GGT7: variants seen among roughly 807,000 people sequenced by gnomAD.
GGT7 encodes glutathione hydrolase 7.
A neutral mutation model predicts 69.2 loss-of-function variants in GGT7; 30 were observed. The ratio of observed to expected loss-of-function variants is 0.43; its 90% CI spans 0.32 to 0.59. The LOEUF is 0.59. GGT7 is among the 20% of genes least tolerant of loss of function. GGT7 has a pLI of 0.05. For synonymous variants in GGT7, 388 were observed against 391.8 expected, an observed-to-expected ratio of 0.99 and a Z score of 0.12; for missense variants, 733 against 901.1, an observed-to-expected ratio of 0.81 and a Z score of 2.39.
Position 34,861,558 on chromosome 20 carries a change from C to A in GGT7, c.562G>T (p.Gly188Cys). Residue 188 changes from glycine (G) to cysteine (C), a missense_variant, in exon 4 of 15, where the codon GGC becomes TGC. By Grantham distance (159) the Gly-to-Cys change is radical (BLOSUM62 -3). Coordinates refer to ENST00000336431, the MANE Select transcript of GGT7 (RefSeq NM_178026.3). Reference sequence around the variant, plus strand: ...CGGATGTCATGTACCAGCATCACGCCCCCACTGGGAGAGACACAGAAGGGG... The same window carrying A: ...CGGATGTCATGTACCAGCATCACGCACCCACTGGGAGAGACACAGAAGGGG... The part of the protein sequence containing the change: ...APHSSGLGGG[G>C]VMLVHDIRRN... 6.8e-7 allele frequency: 1 copy of A among 1,475,170 alleles called. No homozygotes were observed. Among genetic ancestry groups the A allele is most frequent in the Non-Finnish European group, 9.1e-7 (1 of 1,094,196 alleles). 91.4% of individuals were successfully genotyped at this position (1,475,170 alleles called of 1,614,324 possible). A position where few individuals can be genotyped will look rare whatever the true frequency, so the allele number is the denominator to read the frequency against.
intron 1 of GGT7, among the ~76,000 whole-genome samples, chr20:34,865,498 G>A (rs2079675431): frequency 1.3e-5 from 2 of 152,208 alleles, no homozygotes; most frequent in African/African-American, 4.8e-5. Context: ...CCTGTTTTGT[G>A]TTTTAAAATG....
Position 34,863,212 on chromosome 20 carries a change from C to A in GGT7, c.405+101G>T. 1.1e-6 allele frequency: 1 copy of A among 945,262 alleles called. No homozygotes were observed. The allele number at this position is 945,262 out of a possible 1,614,324, so 58.6% of individuals were successfully genotyped here. ...CTCTCCCAAGTCACCACCCTCTCTC[C>A]CCTTCTACCACTCAGCCATTCCCCA... On this transcript the variant is annotated intron_variant, in intron 2 of 14. Coordinates refer to ENST00000336431, the MANE Select transcript of GGT7 (RefSeq NM_178026.3). The surrounding 1 kb of genome is among the most constrained non-coding windows in gnomAD (Gnocchi z 4.4).
chr20:34,854,221 G>A (rs1467815725), intron 10 of GGT7, among the ~76,000 whole-genome samples: 1 of 152,214 alleles, frequency 6.6e-6, no homozygotes, highest in African/African-American at 2.4e-5. Flanking sequence ...ACAGGCGTGA[G>A]CCACCGTGCC....
intron 13 of GGT7, 83 bp from the exon 14 acceptor site, chr20:34,850,143 G>C (rs1391004627): frequency 2.1e-6 from 2 of 960,350 alleles, no homozygotes; most frequent in East Asian, 2.4e-5. Flanking sequence ...CTTGGTCCAG[G>C]CTCCTTAGTC....
Position 34,851,383 on chromosome 20 carries a change from C to A in GGT7, c.1588-15G>T, listed in dbSNP as rs1381382923. 6.9e-6 allele frequency: 11 copies of A among 1,604,658 alleles called. No individual in the cohort carries two copies. Among genetic ancestry groups the A allele is most frequent in the Middle Eastern group, 1.7e-4 (1 of 5,762 alleles). ...ACTGAATTCTCCTGTTGTTAGAGGACAGAGACCACAAGGGGCAGGTGGGGT... is the reference window on the plus strand; with the variant it reads ...ACTGAATTCTCCTGTTGTTAGAGGAAAGAGACCACAAGGGGCAGGTGGGGT... On this transcript the variant is annotated splice_polypyrimidine_tract_variant and intron_variant, in intron 12 of 14. Coordinates refer to ENST00000336431, the MANE Select transcript of GGT7 (RefSeq NM_178026.3).
At position 34,872,768 on chromosome 20, in the gene GGT7, G is replaced by A; in HGVS notation, c.48C>T (p.Tyr16=). ...TGATGCTCATGTAGTCCACTGGCGA[G>A]TAGGCGCCCAGGGCGCTCTCCTGGC... is the stretch of plus-strand genomic sequence containing the variant. ...EASQESALGA[Y]SPVDYMSITS... The change falls in exon 1 of 15, where the codon TAC becomes TAT. Residue 16 remains tyrosine (Y), a synonymous_variant. Coordinates refer to ENST00000336431, the MANE Select transcript of GGT7 (RefSeq NM_178026.3). The A allele has an allele frequency of 1.4e-6, 2 of 1,445,848 alleles. No individual in the cohort carries two copies. Among genetic ancestry groups the A allele is most frequent in the Non-Finnish European group, 1.8e-6 (2 of 1,095,978 alleles). The allele number at this position is 1,445,848 out of a possible 1,614,324, so 89.6% of individuals were successfully genotyped here.
At chr20:34,867,159 A>C (rs1189036932) in intron 1 of GGT7, among the ~76,000 whole-genome samples, 1 of 151,988 alleles carries the variant, frequency 6.6e-6, no homozygotes, top group African/African-American at 2.4e-5. Context: ...TCCTGAGCTC[A>C]AACAATCATC....
intron 1 of GGT7, among the ~76,000 whole-genome samples, chr20:34,865,992 T>G (rs2079684086): frequency 6.6e-6 from 1 of 152,232 alleles, no homozygotes; most frequent in African/African-American, 2.4e-5. Context: ...AAAGTCTATG[T>G]GATAATATTA....
At position 34,863,492 on chromosome 20, in the gene GGT7, C is replaced by CCGA. The variant is rs1235734457; in HGVS notation, c.223_225dup (p.Ser75dup). 27 of 1,604,274 alleles carry CCGA rather than the reference C, an allele frequency of 1.7e-5. No individual in the cohort carries two copies. The highest frequency in any genetic ancestry group is 2.3e-5 in the Non-Finnish European group (27 of 1,175,910). ...GGCGACCCGTCTTGGCTGCCCATCTCCGACGACGACGATGGCAGCCGCTGC... is the reference window on the plus strand; with the variant it reads ...GGCGACCCGTCTTGGCTGCCCATCTCCGACGACGACGACGATGGCAGCCGCTGC... On this transcript the variant is annotated inframe_insertion, in exon 2 of 15. Coordinates refer to ENST00000336431, the MANE Select transcript of GGT7 (RefSeq NM_178026.3). The surrounding 1 kb of genome is among the most constrained non-coding windows in gnomAD (Gnocchi z 4.4).
chr20:34,864,725 G>GAAAA (rs368541649), intron 1 of GGT7, among the ~76,000 whole-genome samples: 1 of 119,206 alleles, frequency 8.4e-6, no homozygotes, highest in Non-Finnish European at 1.8e-5. Flanking sequence ...TGTCTCAAAA[G>GAAAA]AAAAAAAAAA....
rs2079464905 is a variant in GGT7 at position 34,854,863 on chromosome 20, T to C, written c.1163A>G (p.Asn388Ser). ...GGTGAGATTGAAGCCCTCCAGGATG[T>C]TGAGAGCACTGATGAGGGCAGGGCC... The part of the protein sequence containing the change: ...HTGPALISAL[N>S]ILEGFNLTSL... Residue 388 changes from asparagine (N) to serine (S), a missense_variant, in exon 9 of 15, where the codon AAC becomes AGC. Coordinates refer to ENST00000336431, the MANE Select transcript of GGT7 (RefSeq NM_178026.3). 1 of 1,614,008 alleles carries C rather than the reference T, an allele frequency of 6.2e-7. No individual in the cohort carries two copies. The highest frequency in any genetic ancestry group is 8.5e-7 in the Non-Finnish European group (1 of 1,179,908).
chr20:34,853,382 T>TGTGTGTGTGTGTGTG (rs1568931750), intron 10 of GGT7, among the ~76,000 whole-genome samples: 3 of 140,696 alleles, frequency 2.1e-5, no homozygotes, highest in African/African-American at 8.0e-5. Context: ...TGTGTGTGTG[T>TGTGTGTGTGTGTGTG]TTTAGAGCAA....
intron 1 of GGT7, among the ~76,000 whole-genome samples, chr20:34,867,933 G>A (rs1049360279): frequency 3.3e-5 from 5 of 152,094 alleles, no homozygotes; most frequent in African/African-American, 7.2e-5. Context: ...GCGCAATCTC[G>A]GCTCACTGCA....
Position 34,845,270 on chromosome 20 carries a change from G to A in GGT7, c.*58C>T. ...CCCCTGAGACCAAACCTGGGAGAAG[G>A]AGGGACTCTGGGAACATGCAAAGTG... On this transcript the variant is annotated 3_prime_UTR_variant, in exon 15 of 15. Transcript: ENST00000336431. 1 of 1,517,406 alleles carries A rather than the reference G, an allele frequency of 6.6e-7. No homozygotes were observed. Among genetic ancestry groups the A allele is most frequent in the Non-Finnish European group, 9.0e-7 (1 of 1,116,370 alleles). The allele number at this position is 1,517,406 out of a possible 1,614,324, so 94.0% of individuals were successfully genotyped here.
In GGT7 at chr20:34,861,431, AC is replaced by A; in HGVS notation, c.675+13del. Reference sequence around the variant, plus strand: ...AGACTCCCCTGAACTCTCTCTTCTCACCAGGGTCCCCACCTTGGTCTCCCAG... The same window carrying A: ...AGACTCCCCTGAACTCTCTCTTCTCACAGGGTCCCCACCTTGGTCTCCCAG... On this transcript the variant is annotated intron_variant, in intron 4 of 14. Coordinates refer to ENST00000336431, the MANE Select transcript of GGT7 (RefSeq NM_178026.3). The A allele has an allele frequency of 7.2e-7, 1 of 1,395,502 alleles. No individual in the cohort carries two copies. The allele number at this position is 1,395,502 out of a possible 1,614,324, so 86.4% of individuals were successfully genotyped here. A position where few individuals can be genotyped will look rare whatever the true frequency, so the allele number is the denominator to read the frequency against.
At chr20:34,857,096 C>T (rs770679438) in intron 7 of GGT7, among the ~76,000 whole-genome samples, 1 of 152,176 alleles carries the variant, frequency 6.6e-6, no homozygotes. Context: ...GAGCACCTAT[C>T]ATGTGCCAGG....
chr20:34,846,766 C>T (rs1277449901), intron 14 of GGT7, among the ~76,000 whole-genome samples: 1 of 152,226 alleles, frequency 6.6e-6, no homozygotes, highest in Non-Finnish European at 1.5e-5. Flanking sequence ...CTAAGCCCAA[C>T]ATTGCTTGGG....
chr20:34,861,467 A>G lies in GGT7; in HGVS notation c.653T>C (p.Leu218Pro). 6.4e-7 allele frequency: 1 copy of G among 1,563,532 alleles called. No homozygotes were observed. Reference protein sequence around the residue: ...SAPGALREETLQRSWETKPGL... With the variant: ...SAPGALREETPQRSWETKPGL... ...CACCTTGGTCTCCCAGGATCTTTGCAGGGTCTCTTCCCTGAGGGCCCCTGG... is the reference window on the plus strand; with the variant it reads ...CACCTTGGTCTCCCAGGATCTTTGCGGGGTCTCTTCCCTGAGGGCCCCTGG... Residue 218 changes from leucine (L) to proline (P), a missense_variant, in exon 4 of 15, where the codon CTG (leucine) becomes CCG (proline). Leu to Pro is a moderately conservative substitution (Grantham distance 98). Transcript: ENST00000336431.
chr20:34,857,638 G>A (rs1163339188), intron 7 of GGT7, among the ~76,000 whole-genome samples: 4 of 119,890 alleles, frequency 3.3e-5, no homozygotes, highest in Non-Finnish European at 5.3e-5. Context: ...TTTTTTTTGA[G>A]GCAGGGTCTC....
Sources: gnomAD v4.1 joint callset for allele counts (sites outside exome capture counted in the v4.1 genomes callset) on GRCh38, gnomAD v4.1.1 for gene constraint, Gnocchi (gnomAD v3.1) non-coding constraint, MANE v1.5 for transcripts, NCBI Gene and HGNC (gene_info 2026-07-23, HGNC 2026-07-21) for gene names.